Variants in TRIM24 observed in about 807,000 individuals in gnomAD.
The protein encoded by TRIM24 is transcription intermediary factor 1-alpha.
Under a neutral mutation model 123.9 loss-of-function variants are expected in TRIM24, and 29 were observed. The ratio of observed to expected loss-of-function variants is 0.23; its 90% CI spans 0.17 to 0.32. The LOEUF is 0.32. Ranked by LOEUF, TRIM24 falls within the 10% of genes least tolerant of loss-of-function variation. TRIM24 has a pLI of 1.00. For missense variants in TRIM24, 932 were observed against 1,295.3 expected (o/e 0.72, Z 4.31); for synonymous variants, 456 against 461.1 (o/e 0.99, Z 0.14).
intron 1 of TRIM24, among the ~76,000 whole-genome samples, chr7:138,477,415 T>C (rs973173568): frequency 3.9e-5 from 6 of 152,176 alleles, no homozygotes; most frequent in African/African-American, 1.4e-4. Context: ...TAGACCTCTG[T>C]AAATGTAACT....
At position 138,540,696 on chromosome 7, in the gene TRIM24, T is replaced by A. The variant is rs564571289; in HGVS notation, c.1143+1893T>A. On this transcript the variant is annotated intron_variant, in intron 7 of 18. Coordinates refer to ENST00000343526, the MANE Select transcript of TRIM24 (RefSeq NM_015905.3). ...TCCTAACTCCTGTTATTGTTGATATTTTTGTCTCCTCCCATGAATCACTAA... is the reference window on the plus strand; with the variant it reads ...TCCTAACTCCTGTTATTGTTGATATATTTGTCTCCTCCCATGAATCACTAA... Among the ~76,000 whole-genome samples the A allele has an allele frequency of 1.4e-4, 22 of 152,344 alleles. No homozygotes were observed. In the South Asian group the frequency reaches 2.7e-3, roughly 19 times the overall value.
chr7:138,548,810 T>C (rs1245734305), intron 7 of TRIM24, among the ~76,000 whole-genome samples: 13 of 152,212 alleles, frequency 8.5e-5, no homozygotes, highest in Admixed American at 8.5e-4. Context: ...TAAAACCTTT[T>C]GTTAAAAACC....
At chr7:138,523,686 G>T (rs192251774) in intron 4 of TRIM24, among the ~76,000 whole-genome samples, 30 of 140,756 alleles carry the variant, frequency 2.1e-4, no homozygotes, top group Non-Finnish European at 6.0e-5. Flanking sequence ...AGGAGGCAGA[G>T]CTTCCAGTGA....
At position 138,579,249 on chromosome 7, in the gene TRIM24, A is replaced by G. The variant is rs565157824; in HGVS notation, c.2302A>G (p.Ser768Gly). The G allele has an allele frequency of 6.2e-7, 1 of 1,611,828 alleles. No homozygotes were observed. The highest frequency in any genetic ancestry group is 1.7e-5 in the Admixed American group (1 of 59,878). The change falls in exon 15 of 19, where the codon AGT (serine) becomes GGT (glycine). Residue 768 changes from serine (S) to glycine (G), a missense_variant. Physicochemically the swap from Ser to Gly is moderately conservative, Grantham distance 56. This residue lies in a region of TRIM24 where 527 missense variants were observed against 691.3 expected (regional missense o/e 0.76). Transcript: ENST00000343526. The part of the protein sequence containing the change: ...SILTSLLLNS[S>G]QSSTSEETVL... ...ACTCACCTCCCTGCTCTTAAATAGC[A>G]GTCAGAGCTCTACTTCTGAGGAGAC...
intron 4 of TRIM24, among the ~76,000 whole-genome samples, chr7:138,520,675 C>G (rs1438740205): frequency 6.6e-6 from 1 of 151,804 alleles, no homozygotes; most frequent in Non-Finnish European, 1.5e-5. Context: ...AGAATGAGAC[C>G]CTGTCTTTAA....
At chr7:138,519,819 G>T (rs907689155) in intron 4 of TRIM24, among the ~76,000 whole-genome samples, 15 of 152,038 alleles carry the variant, frequency 9.9e-5, no homozygotes, top group African/African-American at 3.4e-4. Context: ...CAACATTTGA[G>T]GCATGCCTTT....
intron 6 of TRIM24, 120 bp downstream of exon 6, chr7:138,529,350 C>A: frequency 2.0e-6 from 1 of 499,990 alleles, no homozygotes; most frequent in Non-Finnish European, 3.3e-6. Context: ...ATTTTTTTTT[C>A]CCACTCCCAA....
Position 138,554,909 on chromosome 7 carries a change from G to C in TRIM24, c.1473G>C (p.Val491=), listed in dbSNP as rs879628836. ...AGGTGCAACGGAGGCCAGCACCTGT[G>C]GGTTTACCAAACCCTAGAATGCAGG... ...RQQVQRRPAP[V]GLPNPRMQGP... The change falls in exon 9 of 19, where the codon GTG becomes GTC. Residue 491 remains valine, a synonymous_variant. Coordinates refer to ENST00000343526, the MANE Select transcript of TRIM24 (RefSeq NM_015905.3). The surrounding 1 kb of genome is among the most constrained non-coding windows in gnomAD (Gnocchi z 4.5). 3.1e-6 allele frequency: 5 copies of C among 1,614,082 alleles called. No individual in the cohort carries two copies. The highest frequency in any genetic ancestry group is 4.2e-6 in the Non-Finnish European group (5 of 1,179,976).
chr7:138,513,296 T>C (rs1413920220), intron 2 of TRIM24, among the ~76,000 whole-genome samples: 2 of 152,166 alleles, frequency 1.3e-5, no homozygotes, highest in African/African-American at 4.8e-5. Context: ...TTCTGCCCAT[T>C]ACCCAGTTGC....
rs564673112 is a variant in TRIM24 at position 138,482,290 on chromosome 7, C to T, written c.364+21378C>T. The stretch of plus-strand genomic sequence containing the variant: ...CTGGCAAAGCAAGTCCTTATGTAAC[C>T]CCTTACCAATACCTGTAATTATTTT... On this transcript the variant is annotated intron_variant, in intron 1 of 18. Transcript: ENST00000343526. Among the ~76,000 whole-genome samples, 95 of 152,132 alleles carry T rather than the reference C, an allele frequency of 6.2e-4. 1 individual carries two copies. Among genetic ancestry groups the T allele is most frequent in the South Asian group, 2.1e-3 (10 of 4,818 alleles).
chr7:138,460,687 G>T lies in TRIM24; in HGVS notation c.139G>T (p.Ala47Ser). Residue 47 changes from alanine to serine, a missense_variant, in exon 1 of 19, where the codon GCG (alanine) becomes TCG (serine). This residue lies in a region of TRIM24 where 164 missense variants were observed against 181.9 expected (regional missense o/e 0.90). Transcript: ENST00000343526. ...CCCGGACTCGGAGCGCGGCGGCGAG[G>T]CGGCCCGGCTCAACCTGTTGGACAC... Reference protein sequence around the residue: ...QGPDSERGGEAARLNLLDTCA... With the variant: ...QGPDSERGGESARLNLLDTCA... 6.5e-7 allele frequency: 1 copy of T among 1,536,418 alleles called. No homozygotes were observed. Among genetic ancestry groups the T allele is most frequent in the East Asian group, 2.7e-5 (1 of 36,618 alleles).
chr7:138,548,675 T>G (rs1322463036), intron 7 of TRIM24, among the ~76,000 whole-genome samples: 1 of 152,264 alleles, frequency 6.6e-6, no homozygotes, highest in East Asian at 1.9e-4. Context: ...TTTAACTTTA[T>G]AAACTTTTTA....
At chr7:138,511,441 C>T (rs1214970032) in intron 2 of TRIM24, among the ~76,000 whole-genome samples, 1 of 151,936 alleles carries the variant, frequency 6.6e-6, no homozygotes, top group East Asian at 1.9e-4. Flanking sequence ...GCTGGGATTA[C>T]AGATGTGCAG....
At chr7:138,490,820 A>G (rs1442967542) in intron 1 of TRIM24, 2 of 465,182 alleles carry the variant, frequency 4.3e-6, no homozygotes, top group Non-Finnish European at 8.3e-6. Flanking sequence ...TATTGACCAC[A>G]TCTTTCAAGT....
At chr7:138,561,435 G>A (rs896358576) in intron 9 of TRIM24, among the ~76,000 whole-genome samples, 4 of 152,192 alleles carry the variant, frequency 2.6e-5, no homozygotes, top group African/African-American at 7.2e-5. Flanking sequence ...GGGTATTTAT[G>A]TGAGGATTTT....
intron 11 of TRIM24, 97 bp downstream of exon 11, chr7:138,571,100 C>A: frequency 8.0e-7 from 1 of 1,249,590 alleles, no homozygotes; most frequent in Non-Finnish European, 1.1e-6. Context: ...GAGGCTGAGG[C>A]AGACAGATTA....
intron 1 of TRIM24, chr7:138,491,086 G>A: frequency 3.9e-6 from 1 of 257,324 alleles, no homozygotes; most frequent in Non-Finnish European, 7.7e-6. Flanking sequence ...GTTAAGTCAG[G>A]CAATTTTTGC....
rs570396867 is a variant in TRIM24 at position 138,589,960 on chromosome 7, G to A, written c.*5009G>A. On this transcript the variant is annotated 3_prime_UTR_variant, in exon 19 of 19. Coordinates refer to ENST00000343526, the MANE Select transcript of TRIM24 (RefSeq NM_015905.3). ...AAAAATCTTTCCTTGTTAGTTGCAAGTTAAACATTTAATAAAATTATTTTC... is the reference window on the plus strand; with the variant it reads ...AAAAATCTTTCCTTGTTAGTTGCAAATTAAACATTTAATAAAATTATTTTC... The A allele has an allele frequency of 3.3e-5, 5 of 152,242 alleles. No individual in the cohort carries two copies. In the South Asian group the frequency reaches 1.0e-3, roughly 32 times the overall value. The allele number at this position is 152,242 out of a possible 1,614,324, so 9.4% of individuals were successfully genotyped here.
intron 18 of TRIM24, 62 bp downstream of exon 18, chr7:138,584,061 A>G (rs1584752548): frequency 6.5e-7 from 1 of 1,535,424 alleles, no homozygotes. Context: ...TTTTATTACT[A>G]AACACCTTGT....
Sources: allele counts gnomAD v4.1 joint callset (sites outside exome capture counted in the v4.1 genomes callset), GRCh38; gene constraint gnomAD v4.1.1; regional missense constraint gnomAD v4.1.1; non-coding constraint Gnocchi (gnomAD v3.1); transcripts MANE v1.5; gene names NCBI Gene and HGNC (gene_info 2026-07-23, HGNC 2026-07-21).